SCFD2: variants seen among roughly 807,000 people sequenced by gnomAD.
The protein encoded by SCFD2 is sec1 family domain-containing protein 2.
A neutral mutation model predicts 58.9 loss-of-function variants in SCFD2; 54 were observed. That is an observed-to-expected ratio of 0.92 (90% CI 0.74 to 1.15). SCFD2 has a LOEUF of 1.15. SCFD2 is among the 50% of genes most tolerant of loss of function. The probability of loss-of-function intolerance (pLI) is 0.00; values close to 1 mark genes in which losing one functional copy is unlikely to be tolerated. For synonymous variants in SCFD2, 321 were observed against 335.9 expected (o/e 0.96, Z 0.49); for missense variants, 805 against 836.6 (o/e 0.96, Z 0.47).
chr4:53,256,569 C>A (rs1331448361), intron 4 of SCFD2, among the ~76,000 whole-genome samples: 1 of 152,144 alleles, frequency 6.6e-6, no homozygotes, highest in Non-Finnish European at 1.5e-5. Context: ...CACGCCACTG[C>A]ACTCCAGCCT....
intron 4 of SCFD2, among the ~76,000 whole-genome samples, chr4:53,212,860 T>C (rs536341378): frequency 6.6e-6 from 1 of 152,074 alleles, no homozygotes; most frequent in Non-Finnish European, 1.5e-5. Context: ...ACGGTTTTTT[T>C]TTTTAACCAG....
intron 5 of SCFD2, among the ~76,000 whole-genome samples, chr4:53,131,093 G>A (rs1577757083): frequency 6.6e-6 from 1 of 152,160 alleles, no homozygotes; most frequent in Admixed American, 6.5e-5. Context: ...AGCATAAAAT[G>A]AATGATTCAG....
intron 4 of SCFD2, among the ~76,000 whole-genome samples, chr4:53,184,317 C>A (rs1727677883): frequency 6.6e-6 from 1 of 152,044 alleles, no homozygotes; most frequent in African/African-American, 2.4e-5. Flanking sequence ...AGTGAAATTA[C>A]AATTTCTGGG....
chr4:53,343,155 A>T (rs1275612334), intron 2 of SCFD2, among the ~76,000 whole-genome samples: 2 of 152,226 alleles, frequency 1.3e-5, no homozygotes, highest in Non-Finnish European at 2.9e-5. Flanking sequence ...CATCAAAAAA[A>T]TCAACGAATC....
Position 52,943,380 on chromosome 4 carries a change from C to T in SCFD2, c.1562-22510G>A, listed in dbSNP as rs187117885. On this transcript the variant is annotated intron_variant, in intron 5 of 8. Coordinates refer to ENST00000401642, the MANE Select transcript of SCFD2 (RefSeq NM_152540.4). ...GTAATTAATAAAGAACATAAATTTA[C>T]TTCCTCACAGTAAATTTATGGATGT... Among the ~76,000 whole-genome samples the T allele has an allele frequency of 6.6e-5, 10 of 152,252 alleles. No individual in the cohort carries two copies. The East Asian group carries it at 1.9e-3, about 29-fold the overall frequency.
intron 5 of SCFD2, among the ~76,000 whole-genome samples, chr4:52,995,793 C>T (rs1346105873): frequency 6.6e-6 from 1 of 152,178 alleles, no homozygotes; most frequent in Non-Finnish European, 1.5e-5. Context: ...ATAAGTGGGT[C>T]ATCGTGGTAT....
At chr4:53,255,812 C>T (rs1275230465) in intron 4 of SCFD2, among the ~76,000 whole-genome samples, 2 of 150,784 alleles carry the variant, frequency 1.3e-5, no homozygotes, top group Admixed American at 6.6e-5. Context: ...CCCCTCACCT[C>T]CCGGACCGGG....
At chr4:53,172,786 T>C (rs1330199471) in intron 4 of SCFD2, among the ~76,000 whole-genome samples, 1 of 152,246 alleles carries the variant, frequency 6.6e-6, no homozygotes, top group African/African-American at 2.4e-5. Context: ...GAATATTTCA[T>C]GTGCAGTTGA....
chr4:52,910,660 C>T lies in SCFD2; in HGVS notation c.1708-3069G>A, dbSNP rs190347681. Among the ~76,000 whole-genome samples, 13 of 152,040 alleles carry T rather than the reference C, an allele frequency of 8.6e-5. No homozygotes were observed. In the East Asian group the frequency reaches 2.3e-3, roughly 27 times the overall value. ...ATATTTAAGAGAGAAGAAAATATAC[C>T]CCTGATATGGTTTGGCTGTGTCCCT... On this transcript the variant is annotated intron_variant, in intron 6 of 8. Transcript: ENST00000401642.
At chr4:53,251,186 G>A (rs1003565125) in intron 4 of SCFD2, among the ~76,000 whole-genome samples, 14 of 152,166 alleles carry the variant, frequency 9.2e-5, no homozygotes, top group East Asian at 3.8e-4. Flanking sequence ...AAACCAGGAA[G>A]AAGTTGAATC....
intron 4 of SCFD2, among the ~76,000 whole-genome samples, chr4:53,249,828 ACCAG>A (rs1730285709): frequency 1.3e-5 from 2 of 152,370 alleles, no homozygotes; most frequent in South Asian, 4.1e-4. Flanking sequence ...AACAACCGGT[ACCAG>A]CCACTGAAAA....
intron 4 of SCFD2, among the ~76,000 whole-genome samples, chr4:53,272,271 AC>A (rs1281507924): frequency 6.6e-6 from 1 of 151,932 alleles, no homozygotes; most frequent in Non-Finnish European, 1.5e-5. Flanking sequence ...AACTAGTGCA[AC>A]CATTGTGGAA....
chr4:52,876,081 C>G (rs1390329271), intron 8 of SCFD2, among the ~76,000 whole-genome samples: 1 of 151,876 alleles, frequency 6.6e-6, no homozygotes, highest in Non-Finnish European at 1.5e-5. Flanking sequence ...GTAATTGAGC[C>G]TGGCGGCTTC....
At chr4:53,052,416 G>A (rs1723210998) in intron 5 of SCFD2, among the ~76,000 whole-genome samples, 1 of 152,164 alleles carries the variant, frequency 6.6e-6, no homozygotes, top group Non-Finnish European at 1.5e-5. Context: ...CTTGTCACAT[G>A]TCCCAGTGAC....
chr4:53,014,148 C>T lies in SCFD2; in HGVS notation c.1562-93278G>A, dbSNP rs145498608. Reference sequence around the variant, plus strand: ...CCTGTTTACATTATGGTATGGTAGGCGCTATGATGTGGAAGTGCAGAGTGC... The same window carrying T: ...CCTGTTTACATTATGGTATGGTAGGTGCTATGATGTGGAAGTGCAGAGTGC... On this transcript the variant is annotated intron_variant, in intron 5 of 8. Coordinates refer to ENST00000401642, the MANE Select transcript of SCFD2 (RefSeq NM_152540.4). Among the ~76,000 whole-genome samples the T allele has an allele frequency of 4.4e-3, 675 of 152,140 alleles. 2 individuals carry two copies. The highest frequency in any genetic ancestry group is 0.015 in the African/African-American group (633 of 41,522).
intron 5 of SCFD2, among the ~76,000 whole-genome samples, chr4:53,033,629 T>C (rs1186195988): frequency 6.6e-6 from 1 of 151,886 alleles, no homozygotes; most frequent in Non-Finnish European, 1.5e-5. Context: ...AAAAAAGATA[T>C]AGGGGATATC....
intron 4 of SCFD2, among the ~76,000 whole-genome samples, chr4:53,257,690 T>C (rs963919572): frequency 6.6e-6 from 1 of 152,196 alleles, no homozygotes; most frequent in Non-Finnish European, 1.5e-5. Context: ...AAAAACCTTA[T>C]CAAAATCTCT....
intron 4 of SCFD2, among the ~76,000 whole-genome samples, chr4:53,170,353 G>C (rs1460981222): frequency 2.0e-5 from 3 of 152,000 alleles, no homozygotes; most frequent in Non-Finnish European, 4.4e-5. Flanking sequence ...AAATGCATTG[G>C]TTCATTTCTA....
chr4:52,895,741 C>T (rs1382011620), intron 7 of SCFD2, among the ~76,000 whole-genome samples: 1 of 152,170 alleles, frequency 6.6e-6, no homozygotes, highest in Non-Finnish European at 1.5e-5. Context: ...CCTGAGGAAT[C>T]GTCACACCGA....
Sources: gnomAD v4.1 joint callset for allele counts (sites outside exome capture counted in the v4.1 genomes callset) on GRCh38, gnomAD v4.1.1 for gene constraint, MANE v1.5 for transcripts, NCBI Gene and HGNC (gene_info 2026-07-23, HGNC 2026-07-21) for gene names.